Variants in STK3 observed in about 807,000 individuals in gnomAD.
STK3 encodes the protein serine/threonine kinase 3.
Under a neutral mutation model 58.0 loss-of-function variants are expected in STK3, and 41 were observed. The ratio of observed to expected loss-of-function variants is 0.71; its 90% CI spans 0.55 to 0.92. STK3 has a LOEUF of 0.92. Among genes scored for constraint, STK3 ranks in the 40% least tolerant of loss-of-function variants. The probability of loss-of-function intolerance (pLI) is 0.00; values close to 1 mark genes in which losing one functional copy is unlikely to be tolerated. For synonymous variants in STK3, 170 were observed against 191.0 expected (o/e 0.89, Z 0.91); for missense variants, 479 against 602.7 (o/e 0.79, Z 2.15).
intron 1 of STK3, among the ~76,000 whole-genome samples, chr8:98,920,388 A>G (rs1451991357): frequency 6.6e-6 from 1 of 152,230 alleles, no homozygotes; most frequent in East Asian, 1.9e-4. Flanking sequence ...ATAAACAGTC[A>G]AACCTCAAAA....
rs73699909 is a variant in STK3 at position 98,535,464 on chromosome 8, T to G, written c.1142-8547A>C. On this transcript the variant is annotated intron_variant, in intron 9 of 10. Transcript: ENST00000419617. ...CCACATTGCTTTCATTAATTTTTTTTTTTTTTTTCATCCAGCACTGGCTTC... is the reference window on the plus strand; with the variant it reads ...CCACATTGCTTTCATTAATTTTTTTGTTTTTTTTCATCCAGCACTGGCTTC... 1.5e-3 allele frequency among the ~76,000 whole-genome samples: 227 copies of G among 151,786 alleles called. 1 individual carries two copies. Among genetic ancestry groups the G allele is most frequent in the African/African-American group, 5.3e-3 (219 of 41,390 alleles).
intron 10 of STK3, among the ~76,000 whole-genome samples, chr8:98,462,266 A>C (rs1347717514): frequency 6.6e-6 from 1 of 151,410 alleles, no homozygotes; most frequent in Non-Finnish European, 1.5e-5. Flanking sequence ...GCTCACCGCA[A>C]CTGATGAGAA....
Position 98,526,893 on chromosome 8 carries a change from T to C in STK3, c.1166A>G (p.Gln389Arg), listed in dbSNP as rs1415359087. The C allele has an allele frequency of 2.5e-6, 4 of 1,581,524 alleles. No individual in the cohort carries two copies. The highest frequency in any genetic ancestry group is 3.5e-5 in the Admixed American group (2 of 57,356). Residue 389 changes from glutamine to arginine, a missense_variant, in exon 10 of 11, where the codon CAA (glutamine) becomes CGA (arginine). Gln to Arg is a conservative substitution (Grantham distance 43, BLOSUM62 1). Coordinates refer to ENST00000419617, the MANE Select transcript of STK3 (RefSeq NM_006281.4). ...MKRNATSPQV[Q>R]RPSFMDYFDK... ...AAAGTAGTCCATGAAAGATGGTCTT[T>C]GTACTTGTGGTGAGGTTGCATTTCC...
intron 6 of STK3, among the ~76,000 whole-genome samples, chr8:98,639,068 T>C (rs1819825379): frequency 6.6e-6 from 1 of 152,046 alleles, no homozygotes; most frequent in African/African-American, 2.4e-5. Context: ...GTTATACTAG[T>C]CTGTAGAAAC....
At chr8:98,659,745 T>C (rs1354893629) in intron 6 of STK3, among the ~76,000 whole-genome samples, 1 of 151,808 alleles carries the variant, frequency 6.6e-6, no homozygotes, top group Non-Finnish European at 1.5e-5. Context: ...ATAAAATAAC[T>C]CAAAGTTTTC....
chr8:98,776,057 T>C (rs1831655246), intron 1 of STK3, among the ~76,000 whole-genome samples: 1 of 152,224 alleles, frequency 6.6e-6, no homozygotes, highest in Admixed American at 6.5e-5. Context: ...GCCAAGGCCA[T>C]CACTGATGAA....
chr8:98,377,512 CTAAT>C (rs1817687562), intron 2 of STK3, among the ~76,000 whole-genome samples: 1 of 151,102 alleles, frequency 6.6e-6, no homozygotes, highest in African/African-American at 2.4e-5. Context: ...TAGTAAATGT[CTAAT>C]TAAAGACAAA....
chr8:98,913,006 C>G (rs1418974030), intron 1 of STK3, among the ~76,000 whole-genome samples: 1 of 152,090 alleles, frequency 6.6e-6, no homozygotes, highest in African/African-American at 2.4e-5. Flanking sequence ...CTCCTGGGTT[C>G]AAGCAATTCT....
chr8:98,443,208 T>C (rs980950013), intron 1 of STK3, among the ~76,000 whole-genome samples: 1 of 152,202 alleles, frequency 6.6e-6, no homozygotes, highest in African/African-American at 2.4e-5. Context: ...ACAATGTAGT[T>C]GAATTCAGGA....
chr8:98,703,377 T>C (rs1825748877), intron 6 of STK3, among the ~76,000 whole-genome samples: 1 of 152,116 alleles, frequency 6.6e-6, no homozygotes, highest in African/African-American at 2.4e-5. Context: ...AAAATATTTA[T>C]TTCACAAAAT....
chr8:98,515,838 A>G (rs970246699), intron 10 of STK3, among the ~76,000 whole-genome samples: 2 of 151,904 alleles, frequency 1.3e-5, no homozygotes, highest in Non-Finnish European at 2.9e-5. Flanking sequence ...CATGTGCACA[A>G]TGTGCAGGTT....
chr8:98,351,566 G>A, the STK3 span, among the ~76,000 whole-genome samples: 1 of 152,084 alleles, frequency 6.6e-6, no homozygotes, highest in Non-Finnish European at 1.5e-5. Flanking sequence ...GATGAAAGAG[G>A]TTAATAAAAG....
chr8:98,412,911 A>G, intron 3 of STK3: 1 of 261,998 alleles, frequency 3.8e-6, no homozygotes, highest in Non-Finnish European at 7.3e-6. Flanking sequence ...TCACTATCTG[A>G]ACTTTCTTCT....
intron 10 of STK3, among the ~76,000 whole-genome samples, chr8:98,464,540 T>TAAAAAAAAAAAAAAAAAAAAAAAAAAAA: frequency 7.8e-4 from 54 of 69,204 alleles, no homozygotes; most frequent in Non-Finnish European, 1.2e-3. Flanking sequence ...TACTTAAAGT[T>TAAAAAAAAAAAAAAAAAAAAAAAAAAAA]AAAAAAAAAA....
chr8:98,513,834 A>G (rs1469433394), intron 10 of STK3, among the ~76,000 whole-genome samples: 2 of 152,164 alleles, frequency 1.3e-5, no homozygotes, highest in African/African-American at 2.4e-5. Flanking sequence ...AAACACATCA[A>G]TGCCCCATCT....
intron 1 of STK3, among the ~76,000 whole-genome samples, chr8:98,940,224 C>T (rs1840356943): frequency 6.6e-6 from 1 of 152,224 alleles, no homozygotes; most frequent in African/African-American, 2.4e-5. Flanking sequence ...CCGCTCCTCC[C>T]CCGGGACCAT....
chr8:98,583,892 G>C (rs931448591), intron 7 of STK3, among the ~76,000 whole-genome samples: 19 of 151,414 alleles, frequency 1.3e-4, no homozygotes, highest in African/African-American at 3.6e-4. Flanking sequence ...ACAGAGAGAA[G>C]AAAGAGAGAG....
intron 6 of STK3, among the ~76,000 whole-genome samples, chr8:98,696,628 T>C (rs1475998898): frequency 6.6e-6 from 1 of 152,218 alleles, no homozygotes; most frequent in African/African-American, 2.4e-5. Flanking sequence ...GTGGTTTTTG[T>C]CTTTCGTTCT....
intron 3 of STK3, among the ~76,000 whole-genome samples, chr8:98,854,345 G>T (rs1221990647): frequency 6.6e-6 from 1 of 151,968 alleles, no homozygotes; most frequent in Admixed American, 6.6e-5. Context: ...CACCATGTTG[G>T]CCAGGCTGAT....
Sources: gnomAD v4.1 joint callset for allele counts (sites outside exome capture counted in the v4.1 genomes callset) on GRCh38, gnomAD v4.1.1 for gene constraint, MANE v1.5 for transcripts, NCBI Gene and HGNC (gene_info 2026-07-23, HGNC 2026-07-21) for gene names.